Variants in PIGF observed in about 807,000 individuals in gnomAD.
PIGF encodes the protein GPI ethanolamine phosphate transferase, stabilizing subunit.
Under a neutral mutation model 26.0 loss-of-function variants are expected in PIGF, and 23 were observed. That is an observed-to-expected ratio of 0.88 (90% confidence interval 0.64 to 1.25). The LOEUF (loss-of-function observed/expected upper bound fraction) is 1.25, where lower values mean the gene tolerates loss of function less well. Among genes scored for constraint, PIGF ranks in the 50% most tolerant of loss-of-function variants. The pLI, the probability that PIGF is intolerant of heterozygous loss-of-function variation, is 0.00. For missense variants in PIGF, 278 were observed against 249.9 expected, an observed-to-expected ratio of 1.11 and a Z score of -0.76; for synonymous variants, 93 against 92.6, an observed-to-expected ratio of 1.00 and a Z score of -0.03.
intron 4 of PIGF, among the ~76,000 whole-genome samples, chr2:46,608,445 C>T (rs1161128964): frequency 6.6e-6 from 1 of 152,228 alleles, no homozygotes; most frequent in African/African-American, 2.4e-5. Context: ...GGAATGGAAT[C>T]AGCTTCTCGT....
At chr2:46,594,843 T>C (rs1669832337) in intron 4 of PIGF, among the ~76,000 whole-genome samples, 1 of 149,494 alleles carries the variant, frequency 6.7e-6, no homozygotes, top group Admixed American at 6.7e-5. Flanking sequence ...CCTCACCGTT[T>C]TTTTTTTTGT....
Position 46,613,533 on chromosome 2 carries a change from G to GT in PIGF, c.320+160dup, listed in dbSNP as rs201719442. On this transcript the variant is annotated intron_variant, in intron 3 of 5. Transcript: ENST00000281382. ...ATTTAATAAATTAAGTTATTCTGCT[G>GT]TTTTTTTTAAAAAAGAATAACACTG... Among the ~76,000 whole-genome samples, 171 of 152,100 alleles carry GT rather than the reference G, an allele frequency of 1.1e-3. 1 individual carries two copies. In the South Asian group the frequency reaches 0.028, roughly 25 times the overall value.
intron 5 of PIGF, chr2:46,582,744 T>A (rs1669441515): frequency 6.6e-6 from 1 of 152,668 alleles, no homozygotes; most frequent in African/African-American, 2.4e-5. Flanking sequence ...ATGACAGCCT[T>A]AAATGCTCAT....
Position 46,613,781 on chromosome 2 carries a change from G to C in PIGF, c.233C>G (p.Thr78Ser), listed in dbSNP as rs1481907374. The C allele has an allele frequency of 1.9e-6, 3 of 1,544,050 alleles. No individual in the cohort carries two copies. In the East Asian group the frequency reaches 6.8e-5, roughly 35 times the overall value. ...GTAGATACAGCATTTCAAAAATCCA[G>C]TTACCTAAAAGAGAAATGAATAACC... The part of the protein sequence containing the change: ...SKRSSLSHKV[T>S]GFLKCCIYFL... The change falls in exon 3 of 6, where the codon ACT becomes AGT. Residue 78 changes from threonine to serine, a missense_variant. By Grantham distance (58) the Thr-to-Ser change is moderately conservative. Transcript: ENST00000281382.
chr2:46,616,163 A>G (rs1351095164), intron 1 of PIGF: 1 of 152,278 alleles, frequency 6.6e-6, no homozygotes, highest in Non-Finnish European at 1.5e-5. Context: ...TCAAAGGCAG[A>G]TATTTTACTG....
intron 4 of PIGF, among the ~76,000 whole-genome samples, chr2:46,596,277 C>T (rs1311405435): frequency 1.3e-5 from 2 of 151,220 alleles, no homozygotes; most frequent in African/African-American, 2.4e-5. Flanking sequence ...GTTCCTTGGG[C>T]TAAGAGGCAA....
At chr2:46,608,869 C>T (rs886855692) in intron 4 of PIGF, among the ~76,000 whole-genome samples, 1 of 152,082 alleles carries the variant, frequency 6.6e-6, no homozygotes, top group African/African-American at 2.4e-5. Flanking sequence ...CTTCGTTGTT[C>T]CATTGACAGT....
intron 2 of PIGF, 139 bp from the exon 3 acceptor site, chr2:46,613,924 C>A: frequency 1.4e-6 from 1 of 706,822 alleles, no homozygotes; most frequent in Admixed American, 3.3e-5. Context: ...CAAATCAGAT[C>A]ACATGTCCTG....
At chr2:46,584,723 C>T (rs185069128) in intron 5 of PIGF, among the ~76,000 whole-genome samples, 10 of 152,220 alleles carry the variant, frequency 6.6e-5, no homozygotes, top group African/African-American at 2.4e-4. Flanking sequence ...AAGAGTACCT[C>T]CTTGGCTTTC....
chr2:46,615,257 T>TA (rs1184912691), intron 1 of PIGF, 72 bp from the exon 2 acceptor site: 2 of 682,670 alleles, frequency 2.9e-6, no homozygotes, highest in African/African-American at 1.8e-5. Context: ...TTTTGACCCC[T>TA]AAAAATAGGT....
intron 5 of PIGF, chr2:46,583,177 C>T (rs1669458312): frequency 6.6e-6 from 1 of 152,050 alleles, no homozygotes; most frequent in Admixed American, 6.6e-5. Context: ...CAATTCATAT[C>T]TCTGAAACCC....
intron 3 of PIGF, among the ~76,000 whole-genome samples, chr2:46,613,049 T>TAC (rs572995025): frequency 1.9e-4 from 29 of 151,020 alleles, no homozygotes; most frequent in African/African-American, 6.5e-4. Context: ...TATAAATATA[T>TAC]ATATATATAT....
chr2:46,616,885 C>T (rs1670656958), intron 1 of PIGF, 85 bp downstream of exon 1: 1 of 330,532 alleles, frequency 3.0e-6, no homozygotes. Context: ...GGTCGGGGCG[C>T]CAAGGCTCAG....
chr2:46,609,144 G>A (rs1670319632), intron 4 of PIGF, among the ~76,000 whole-genome samples: 3 of 152,220 alleles, frequency 2.0e-5, no homozygotes, highest in African/African-American at 7.2e-5. Flanking sequence ...TAGATCTTCT[G>A]GATAACTTGC....
chr2:46,602,395 T>C (rs1045142651), intron 4 of PIGF, among the ~76,000 whole-genome samples: 1 of 151,956 alleles, frequency 6.6e-6, no homozygotes, highest in Non-Finnish European at 1.5e-5. Context: ...ATAAGTTTTC[T>C]ACAAACATGC....
At chr2:46,612,135 C>G (rs2104140168) in intron 4 of PIGF, 93 bp downstream of exon 4, 1 of 426,928 alleles carries the variant, frequency 2.3e-6, no homozygotes, top group Non-Finnish European at 4.1e-6. Context: ...ATGAGAAGCA[C>G]TCAGAATAAT....
At chr2:46,607,996 C>A (rs917184127) in intron 4 of PIGF, among the ~76,000 whole-genome samples, 24 of 152,306 alleles carry the variant, frequency 1.6e-4, no homozygotes, top group African/African-American at 5.1e-4. Context: ...CTGCGCCCAG[C>A]CGGCAATTTC....
intron 5 of PIGF, among the ~76,000 whole-genome samples, chr2:46,583,799 A>G (rs1156531657): frequency 6.6e-6 from 1 of 152,188 alleles, no homozygotes; most frequent in Admixed American, 6.5e-5. Flanking sequence ...TTTTACTGAC[A>G]TGAATTTTGC....
chr2:46,599,469 C>T (rs1350640021), intron 4 of PIGF, among the ~76,000 whole-genome samples: 1 of 152,136 alleles, frequency 6.6e-6, no homozygotes, highest in Non-Finnish European at 1.5e-5. Flanking sequence ...ATCACATCTT[C>T]TCTAAATGCT....
Sources: gnomAD v4.1 joint callset for allele counts (sites outside exome capture counted in the v4.1 genomes callset) on GRCh38, gnomAD v4.1.1 for gene constraint, MANE v1.5 for transcripts, NCBI Gene and HGNC (gene_info 2026-07-23, HGNC 2026-07-21) for gene names.